The following SMAGP variants were observed in gnomAD, a reference collection of about 807,000 sequenced individuals.
SMAGP encodes small cell adhesion glycoprotein.
In SMAGP, 7 loss-of-function variants were observed where a neutral mutation model predicts 10.1. That is an observed-to-expected ratio of 0.70 (90% CI 0.40 to 1.31). The LOEUF (loss-of-function observed/expected upper bound fraction) is 1.31, where lower values mean the gene tolerates loss of function less well. SMAGP is among the 50% of genes most tolerant of loss of function. The pLI is 0.01. For synonymous variants in SMAGP, 49 were observed against 47.2 expected (o/e 1.04, Z -0.16); for missense variants, 113 against 116.5 (o/e 0.97, Z 0.14).
chr12:51,254,415 C>T (rs1393304120), intron 2 of SMAGP, among the ~76,000 whole-genome samples: 7 of 151,868 alleles, frequency 4.6e-5, no homozygotes, highest in South Asian at 4.2e-4. Context: ...GGTGTGGTGG[C>T]GTATGCCTGT....
At chr12:51,256,784 A>G (rs201232391) in intron 2 of SMAGP, among the ~76,000 whole-genome samples, 40 of 43,242 alleles carry the variant, frequency 9.3e-4, no homozygotes, top group Middle Eastern at 0.019. Context: ...CACCCAAAAA[A>G]AGATATATAT....
chr12:51,268,747 C>T (rs1945000192), intron 2 of SMAGP, among the ~76,000 whole-genome samples: 1 of 152,108 alleles, frequency 6.6e-6, no homozygotes, highest in African/African-American at 2.4e-5. Flanking sequence ...CCACGCCTGG[C>T]TAATTTTTTT....
rs887663535 is a variant in SMAGP, at chr12:51,245,349, G to A, written c.*592C>T. The A allele has an allele frequency of 1.3e-5, 2 of 152,642 alleles. No homozygotes were observed. Among genetic ancestry groups the A allele is most frequent in the Non-Finnish European group, 2.9e-5 (2 of 68,064 alleles). The allele number at this position is 152,642 out of a possible 1,614,324, so 9.5% of individuals were successfully genotyped here. A position where few individuals can be genotyped will look rare whatever the true frequency, so the allele number is the denominator to read the frequency against. ...AGTTACTTCTTGCACATGAGAATCT[G>A]ATTTCTGTAGCAATGAAAATTTTTA... On this transcript the variant is annotated 3_prime_UTR_variant, in exon 4 of 4. Transcript: ENST00000603798.
intron 2 of SMAGP, among the ~76,000 whole-genome samples, chr12:51,248,430 ACACACT>A (rs1417337411): frequency 1.0e-3 from 95 of 91,508 alleles, no homozygotes; most frequent in African/African-American, 2.0e-3. Flanking sequence ...ACACACACAC[ACACACT>A]CTCTCTCTCT....
intron 2 of SMAGP, among the ~76,000 whole-genome samples, chr12:51,248,289 G>A (rs1237057039): frequency 6.6e-6 from 1 of 151,988 alleles, no homozygotes; most frequent in Non-Finnish European, 1.5e-5. Context: ...TGTCCAGAGC[G>A]CTTCCTCTCC....
Position 51,244,657 on chromosome 12 carries a change from T to C in SMAGP, c.*1284A>G, listed in dbSNP as rs897711628. 1 of 152,160 alleles carries C rather than the reference T, an allele frequency of 6.6e-6. No homozygotes were observed. Among genetic ancestry groups the C allele is most frequent in the African/African-American group, 2.4e-5 (1 of 41,426 alleles). The allele number at this position is 152,160 out of a possible 1,614,324, so 9.4% of individuals were successfully genotyped here. On this transcript the variant is annotated 3_prime_UTR_variant, in exon 4 of 4. Transcript: ENST00000603798. The stretch of plus-strand genomic sequence containing the variant: ...TGTGCCTTTTAAACACAACTTATCT[T>C]GAGACTAAAATCCAAGAAGCTTCTT...
intron 2 of SMAGP, among the ~76,000 whole-genome samples, chr12:51,265,294 C>G (rs1944964748): frequency 6.6e-6 from 1 of 152,148 alleles, no homozygotes; most frequent in Non-Finnish European, 1.5e-5. Flanking sequence ...AGCTGCTGTG[C>G]AAACCTATAT....
chr12:51,258,519 G>C (rs1944904950), intron 2 of SMAGP, among the ~76,000 whole-genome samples: 1 of 151,938 alleles, frequency 6.6e-6, no homozygotes, highest in African/African-American at 2.4e-5. Context: ...TTGAACCTGG[G>C]AGGCACAGGT....
chr12:51,262,000 G>T (rs1409904424), intron 2 of SMAGP, among the ~76,000 whole-genome samples: 1 of 152,072 alleles, frequency 6.6e-6, no homozygotes, highest in South Asian at 2.1e-4. Flanking sequence ...CACTTTTGGA[G>T]GCTGAGGTGG....
Position 51,256,737 on chromosome 12 carries a change from C to CAA in SMAGP, c.35-9908_35-9907dup, listed in dbSNP as rs1464305533. ...CTCCGTCTCAAAACAAACAAACAAA[C>CAA]AAACAAAAAAAACACAAACAAACAA... On this transcript the variant is annotated intron_variant, in intron 2 of 3. Coordinates refer to ENST00000603798, the MANE Select transcript of SMAGP (RefSeq NM_001031628.2). Among the ~76,000 whole-genome samples, 105 of 53,840 alleles carry CAA rather than the reference C, an allele frequency of 2.0e-3. No homozygotes were observed. In the South Asian group the frequency reaches 0.023, roughly 12 times the overall value. The allele number at this position is 53,840 out of a possible 152,430, so 35.3% of individuals were successfully genotyped here.
chr12:51,256,743 A>AAC lies in SMAGP; in HGVS notation c.35-9913_35-9912insGT, dbSNP rs565651583. 2.9e-3 allele frequency among the ~76,000 whole-genome samples: 425 copies of AAC among 146,466 alleles called. 5 individuals carry two copies. Among genetic ancestry groups the AAC allele is most frequent in the Middle Eastern group, 0.021 (6 of 290 alleles). On this transcript the variant is annotated intron_variant, in intron 2 of 3. Coordinates refer to ENST00000603798, the MANE Select transcript of SMAGP (RefSeq NM_001031628.2). Reference sequence around the variant, plus strand: ...CTCAAAACAAACAAACAAACAAACAAAAAAAACACAAACAAACAAAACCTC... The same window carrying AAC: ...CTCAAAACAAACAAACAAACAAACAAACAAAAAACACAAACAAACAAAACCTC...
intron 2 of SMAGP, among the ~76,000 whole-genome samples, chr12:51,256,011 T>G (rs1020007467): frequency 2.0e-5 from 3 of 152,198 alleles, no homozygotes; most frequent in Non-Finnish European, 4.4e-5. Context: ...CCTCAAGTGA[T>G]CTGCCCACCT....
chr12:51,253,045 G>A (rs1944854926), intron 2 of SMAGP, among the ~76,000 whole-genome samples: 1 of 152,168 alleles, frequency 6.6e-6, no homozygotes, highest in African/African-American at 2.4e-5. Context: ...AGGGGCCATG[G>A]AAGGAAGGTG....
chr12:51,249,836 C>T (rs957118722), intron 2 of SMAGP, among the ~76,000 whole-genome samples: 1 of 151,532 alleles, frequency 6.6e-6, no homozygotes, highest in Admixed American at 6.6e-5. Flanking sequence ...AGGCTGGTCT[C>T]GAACTCCTGG....
intron 2 of SMAGP, among the ~76,000 whole-genome samples, chr12:51,264,183 A>G (rs1227530414): frequency 2.6e-5 from 4 of 152,154 alleles, no homozygotes; most frequent in African/African-American, 9.7e-5. Context: ...AGAAGAGAAG[A>G]GCTGGCCTTT....
chr12:51,262,355 CT>C (rs1222478407), intron 2 of SMAGP, among the ~76,000 whole-genome samples: 1 of 152,042 alleles, frequency 6.6e-6, no homozygotes, highest in Non-Finnish European at 1.5e-5. Context: ...TGGCACGCAC[CT>C]GTGATCCCAG....
chr12:51,256,096 T>C (rs923126080), intron 2 of SMAGP, among the ~76,000 whole-genome samples: 15 of 152,122 alleles, frequency 9.9e-5, no homozygotes, highest in Non-Finnish European at 1.6e-4. Flanking sequence ...CACGACAGCA[T>C]TGATTGCTTT....
At chr12:51,268,743 CT>C (rs1214907148) in intron 2 of SMAGP, among the ~76,000 whole-genome samples, 5 of 152,122 alleles carry the variant, frequency 3.3e-5, no homozygotes, top group African/African-American at 1.2e-4. Flanking sequence ...ACCACCACGC[CT>C]GGCTAATTTT....
Position 51,246,807 on chromosome 12 carries a change from A to G in SMAGP, c.59T>C (p.Leu20Ser). Residue 20 changes from leucine to serine, a missense_variant, in exon 3 of 4, where the codon TTA (leucine) becomes TCA (serine). Coordinates refer to ENST00000603798, the MANE Select transcript of SMAGP (RefSeq NM_001031628.2). ...PREELMTTPI[L>S]QPTEALSPED... Reference sequence around the variant, plus strand: ...TGGGGACAGGGCCTCAGTGGGCTGTAAAATTGGGGTGGTCATCAGTTCTTC... The same window carrying G: ...TGGGGACAGGGCCTCAGTGGGCTGTGAAATTGGGGTGGTCATCAGTTCTTC... 6.3e-7 allele frequency: 1 copy of G among 1,579,366 alleles called. No homozygotes were observed. Among genetic ancestry groups the G allele is most frequent in the East Asian group, 2.3e-5 (1 of 43,060 alleles).
Sources: allele counts gnomAD v4.1 joint callset (sites outside exome capture counted in the v4.1 genomes callset), GRCh38; gene constraint gnomAD v4.1.1; transcripts MANE v1.5; gene names NCBI Gene and HGNC (gene_info 2026-07-23, HGNC 2026-07-21).